The following CARHSP1 variants were observed in gnomAD, a reference collection of about 807,000 sequenced individuals.
CARHSP1 encodes the protein calcium regulated heat stable protein 1, also known as calcium-regulated heat-stable protein 1.
CARHSP1 carries 14 observed loss-of-function variants against 12.5 expected under a neutral mutation model. That is an observed-to-expected ratio of 1.12 (90% CI 0.74 to 1.75). The LOEUF (loss-of-function observed/expected upper bound fraction) is 1.75, where lower values mean the gene tolerates loss of function less well. CARHSP1 is among the 40% of genes most tolerant of loss of function. The pLI, the probability that CARHSP1 is intolerant of heterozygous loss-of-function variation, is 0.00. For synonymous variants in CARHSP1, 161 were observed against 82.0 expected, an observed-to-expected ratio of 1.96 and a Z score of -5.20; for missense variants, 343 against 201.6, an observed-to-expected ratio of 1.70 and a Z score of -4.25.
chr16:8,855,342 T>G lies in CARHSP1; in HGVS notation c.282-16A>C, dbSNP rs748342615. On this transcript the variant is annotated splice_polypyrimidine_tract_variant and intron_variant, in intron 3 of 3. Coordinates refer to ENST00000311052, the MANE Select transcript of CARHSP1 (RefSeq NM_014316.4). ...CCCTTCCACACTACGGGGGCATAAATAAAGCAGTCAGGGCTCACACCGGGA... is the reference window on the plus strand; with the variant it reads ...CCCTTCCACACTACGGGGGCATAAAGAAAGCAGTCAGGGCTCACACCGGGA... 6.6e-7 allele frequency: 1 copy of G among 1,522,866 alleles called. No individual in the cohort carries two copies. Among genetic ancestry groups the G allele is most frequent in the Non-Finnish European group, 8.9e-7 (1 of 1,126,032 alleles). 94.3% of individuals were successfully genotyped at this position (1,522,866 alleles called of 1,614,324 possible). A position where few individuals can be genotyped will look rare whatever the true frequency, so the allele number is the denominator to read the frequency against.
chr16:8,863,103 C>T (rs1330992675), intron 1 of CARHSP1, among the ~76,000 whole-genome samples: 1 of 126,642 alleles, frequency 7.9e-6, no homozygotes, highest in African/African-American at 3.0e-5. Flanking sequence ...GGAATGGCCA[C>T]AAGGATGGCT....
At chr16:8,860,396 G>C (rs2141107142) in intron 1 of CARHSP1, 1 of 985,392 alleles carries the variant, frequency 1.0e-6, no homozygotes, top group Non-Finnish European at 1.2e-6. Context: ...CTGCTGCTGT[G>C]CTTTTGACAA....
intron 1 of CARHSP1, among the ~76,000 whole-genome samples, chr16:8,866,821 TCA>T (rs2061463573): frequency 6.6e-6 from 1 of 151,932 alleles, no homozygotes; most frequent in Non-Finnish European, 1.5e-5. Flanking sequence ...AAGCCAACAG[TCA>T]CAGAGAAGTG....
At position 8,854,039 on chromosome 16, in the gene CARHSP1, G is replaced by C. The variant is rs578210872; in HGVS notation, c.*1125C>G. On this transcript the variant is annotated 3_prime_UTR_variant, in exon 4 of 4. Coordinates refer to ENST00000311052, the MANE Select transcript of CARHSP1 (RefSeq NM_014316.4). ...GCAGAGGTTGCAGTAAGCTGAGATCGGGCCACTGCACTCCAGCCTGGGTGA... is the reference window on the plus strand; with the variant it reads ...GCAGAGGTTGCAGTAAGCTGAGATCCGGCCACTGCACTCCAGCCTGGGTGA... 6.6e-6 allele frequency: 1 copy of C among 152,134 alleles called. No homozygotes were observed. The highest frequency in any genetic ancestry group is 1.5e-5 in the Non-Finnish European group (1 of 68,020). The allele number at this position is 152,134 out of a possible 1,614,324, so 9.4% of individuals were successfully genotyped here.
In CARHSP1 at chr16:8,858,781, A is replaced by C. The variant is rs562192295; in HGVS notation, c.159-309T>G. ...ATGATTTACTATTAATAACACAAGC[A>C]TCCTCCACTCGCAAGGCCTGAGACC... On this transcript the variant is annotated intron_variant, in intron 2 of 3. Transcript: ENST00000311052. 4 of 435,768 alleles carry C rather than the reference A, an allele frequency of 9.2e-6. No individual in the cohort carries two copies. The East Asian group carries it at 1.2e-4, about 13-fold the overall frequency. The allele number at this position is 435,768 out of a possible 1,614,324, so 27.0% of individuals were successfully genotyped here.
chr16:8,863,136 T>TCC (rs1198489420), intron 1 of CARHSP1, among the ~76,000 whole-genome samples: 3 of 127,580 alleles, frequency 2.4e-5, no homozygotes, highest in Admixed American at 1.9e-4. Context: ...TTTTTTTTTT[T>TCC]TCAGATAGGA....
intron 3 of CARHSP1, among the ~76,000 whole-genome samples, chr16:8,855,795 G>A (rs62033505): frequency 7.1e-4 from 108 of 152,256 alleles, no homozygotes; most frequent in African/African-American, 8.2e-4. Context: ...AAACCGCACC[G>A]TGTCTTTGTT....
intron 1 of CARHSP1, among the ~76,000 whole-genome samples, chr16:8,862,591 C>G (rs1202641320): frequency 6.6e-6 from 1 of 152,160 alleles, no homozygotes; most frequent in African/African-American, 2.4e-5. Context: ...AATACACACG[C>G]TAATCAGGGT....
At chr16:8,858,844 T>G (rs2061244170) in intron 2 of CARHSP1, 1 of 409,714 alleles carries the variant, frequency 2.4e-6, no homozygotes, top group African/African-American at 2.0e-5. Context: ...TTTGCAGCCC[T>G]GGTGCTGTGC....
intron 3 of CARHSP1, 81 bp downstream of exon 3, chr16:8,858,269 G>A: frequency 1.3e-6 from 2 of 1,524,820 alleles, no homozygotes; most frequent in Non-Finnish European, 1.8e-6. Flanking sequence ...GCGCCCATCA[G>A]AGTCACACAC....
intron 1 of CARHSP1, among the ~76,000 whole-genome samples, chr16:8,861,256 G>T (rs1030021744): frequency 2.3e-5 from 3 of 129,314 alleles, no homozygotes; most frequent in African/African-American, 6.0e-5. Flanking sequence ...TGGGCTCAAC[G>T]GATTCTCCCA....
intron 1 of CARHSP1, among the ~76,000 whole-genome samples, 185 bp from the exon 2 acceptor site, chr16:8,859,520 A>C (rs990637384): frequency 8.6e-5 from 13 of 151,898 alleles, no homozygotes; most frequent in African/African-American, 3.1e-4. Flanking sequence ...CTCCTGAAGC[A>C]ACCGTGGGGC....
chr16:8,855,696 C>A (rs1160935609), intron 3 of CARHSP1, among the ~76,000 whole-genome samples: 1 of 152,200 alleles, frequency 6.6e-6, no homozygotes, highest in Non-Finnish European at 1.5e-5. Flanking sequence ...ACAAGGCCAT[C>A]ATGGAGTGAG....
In CARHSP1 at chr16:8,854,056, C is replaced by G. The variant is rs1163212831; in HGVS notation, c.*1108G>C. On this transcript the variant is annotated 3_prime_UTR_variant, in exon 4 of 4. Transcript: ENST00000311052. ...CTGAGATCGGGCCACTGCACTCCAG[C>G]CTGGGTGACAGAATGAGACTCAGTC... The G allele has an allele frequency of 2.6e-5, 4 of 152,186 alleles. No homozygotes were observed. The highest frequency in any genetic ancestry group is 7.2e-5 in the African/African-American group (3 of 41,444). The allele number at this position is 152,186 out of a possible 1,614,324, so 9.4% of individuals were successfully genotyped here.
At chr16:8,862,639 T>C (rs1235437569) in intron 1 of CARHSP1, among the ~76,000 whole-genome samples, 1 of 152,052 alleles carries the variant, frequency 6.6e-6, no homozygotes, top group Non-Finnish European at 1.5e-5. Flanking sequence ...GGGGTAGCCA[T>C]TTGCAAAACG....
chr16:8,867,053 G>A (rs932442002), intron 1 of CARHSP1, among the ~76,000 whole-genome samples: 2 of 152,090 alleles, frequency 1.3e-5, no homozygotes, highest in African/African-American at 4.8e-5. Flanking sequence ...GACCGGACGG[G>A]CGACCCCACC....
At chr16:8,864,104 C>T (rs1253144646) in intron 1 of CARHSP1, among the ~76,000 whole-genome samples, 1 of 152,230 alleles carries the variant, frequency 6.6e-6, no homozygotes, top group Non-Finnish European at 1.5e-5. Flanking sequence ...GTCATGACTG[C>T]CAGGCTGCAT....
At chr16:8,861,838 G>C in intron 1 of CARHSP1, 1 of 1,192,944 alleles carries the variant, frequency 8.4e-7, no homozygotes, top group African/African-American at 1.6e-5. Context: ...CCAGGAAAGA[G>C]GCTGGCCCTG....
intron 1 of CARHSP1, among the ~76,000 whole-genome samples, chr16:8,862,616 G>A (rs942924151): frequency 3.9e-5 from 6 of 152,304 alleles, no homozygotes; most frequent in Admixed American, 3.3e-4. Flanking sequence ...GCAGGACCCT[G>A]AACAGCAAGA....
Sources: allele counts gnomAD v4.1 joint callset (sites outside exome capture counted in the v4.1 genomes callset), GRCh38; gene constraint gnomAD v4.1.1; transcripts MANE v1.5; gene names NCBI Gene and HGNC (gene_info 2026-07-23, HGNC 2026-07-21).